Variants in NEDD4 observed in about 807,000 individuals in gnomAD.
The protein encoded by NEDD4 is NEDD4 E3 ubiquitin protein ligase, also known as E3 ubiquitin-protein ligase NEDD4.
A neutral mutation model predicts 144.9 loss-of-function variants in NEDD4; 99 were observed. The observed-to-expected ratio is 0.68, with a 90% CI of 0.58 to 0.81. The LOEUF (loss-of-function observed/expected upper bound fraction) is 0.81, where lower values mean the gene tolerates loss of function less well. Ranked by LOEUF, NEDD4 falls within the 30% of genes least tolerant of loss-of-function variation. The pLI, the probability that NEDD4 is intolerant of heterozygous loss-of-function variation, is 0.00. For synonymous variants in NEDD4, 318 were observed against 350.6 expected, an observed-to-expected ratio of 0.91 and a Z score of 1.04; for missense variants, 985 against 1,065.9, an observed-to-expected ratio of 0.92 and a Z score of 1.06.
chr15:55,899,810 A>G (rs1378303658), intron 5 of NEDD4, among the ~76,000 whole-genome samples: 4 of 152,226 alleles, frequency 2.6e-5, no homozygotes, highest in African/African-American at 9.6e-5. Context: ...GTAGCTATGG[A>G]GCACAGGAAA....
At chr15:55,916,672 T>C (rs780541241) in intron 5 of NEDD4, 1 of 1,614,100 alleles carries the variant, frequency 6.2e-7, no homozygotes, top group Non-Finnish European at 8.5e-7. Flanking sequence ...GCAGTCTGTC[T>C]GGGAGTCAGC....
intron 1 of NEDD4, among the ~76,000 whole-genome samples, chr15:55,978,183 C>T (rs1446312339): frequency 2.0e-5 from 3 of 152,124 alleles, no homozygotes; most frequent in African/African-American, 7.2e-5. Context: ...ATGTAACAAG[C>T]ATTAATCAAA....
intron 2 of NEDD4, among the ~76,000 whole-genome samples, chr15:55,964,901 A>C (rs1478186426): frequency 6.6e-6 from 1 of 151,860 alleles, no homozygotes; most frequent in Non-Finnish European, 1.5e-5. Flanking sequence ...GTGAGTTCTC[A>C]TTCTATTTGT....
intron 5 of NEDD4, among the ~76,000 whole-genome samples, chr15:55,905,967 C>T (rs544724913): frequency 3.9e-5 from 6 of 152,192 alleles, no homozygotes; most frequent in East Asian, 3.9e-4. Flanking sequence ...AACAAGTGGG[C>T]GAAGGATATG....
chr15:55,833,842 C>G lies in NEDD4; in HGVS notation c.2430+196G>C, dbSNP rs563828706. 1.1e-4 allele frequency among the ~76,000 whole-genome samples: 17 copies of G among 152,286 alleles called. No individual in the cohort carries two copies. In the South Asian group the frequency reaches 1.7e-3, roughly 15 times the overall value. On this transcript the variant is annotated intron_variant, in intron 26 of 28. Transcript: ENST00000435532. ...GTCATTCCACTTACTACCTTCTGAA[C>G]ATTTTACTTACCTAGTAATAGTTAC...
intron 5 of NEDD4, among the ~76,000 whole-genome samples, chr15:55,899,043 A>G (rs2035829094): frequency 6.6e-6 from 1 of 152,268 alleles, no homozygotes; most frequent in African/African-American, 2.4e-5. Flanking sequence ...CACAGTGATC[A>G]GTGAAAACAA....
intron 8 of NEDD4, 52 bp from the exon 9 acceptor site, chr15:55,863,131 C>T (rs1456666892): frequency 2.1e-6 from 3 of 1,421,516 alleles, no homozygotes; most frequent in African/African-American, 1.4e-5. Flanking sequence ...TTTTAACTTT[C>T]TAAATTATAT....
At chr15:55,849,432 C>A (rs980550069) in intron 14 of NEDD4, among the ~76,000 whole-genome samples, 8 of 152,074 alleles carry the variant, frequency 5.3e-5, no homozygotes, top group African/African-American at 1.9e-4. Flanking sequence ...TCCATGTTGG[C>A]CAGGCTAGTC....
chr15:55,900,407 C>T (rs527755528), intron 5 of NEDD4, among the ~76,000 whole-genome samples: 1 of 152,270 alleles, frequency 6.6e-6, no homozygotes, highest in East Asian at 1.9e-4. Flanking sequence ...CTACTGGTCC[C>T]TGCAGGCTGG....
intron 5 of NEDD4, among the ~76,000 whole-genome samples, chr15:55,881,143 CT>C (rs67958165): frequency 0.24 from 32,665 of 137,712 alleles, 3,428 homozygotes; most frequent in Non-Finnish European, 0.27. Flanking sequence ...CTTTTCTTTT[CT>C]TTTTTTTTTT....
chr15:55,857,056 A>G (rs2034223902), intron 11 of NEDD4, among the ~76,000 whole-genome samples: 1 of 152,236 alleles, frequency 6.6e-6, no homozygotes, highest in Admixed American at 6.5e-5. Flanking sequence ...GAGTACATCT[A>G]TCTGTACTGA....
At chr15:55,872,895 G>A (rs1342298543) in intron 6 of NEDD4, among the ~76,000 whole-genome samples, 1 of 149,484 alleles carries the variant, frequency 6.7e-6, no homozygotes, top group Non-Finnish European at 1.5e-5. Context: ...ATTACTGAAA[G>A]CTTATGGTCC....
chr15:55,929,273 T>C (rs1272407249), intron 4 of NEDD4, among the ~76,000 whole-genome samples: 1 of 152,218 alleles, frequency 6.6e-6, no homozygotes, highest in Non-Finnish European at 1.5e-5. Flanking sequence ...AGAGATTTTC[T>C]CTTTATGTCT....
At chr15:55,932,668 T>C (rs781314476) in intron 4 of NEDD4, among the ~76,000 whole-genome samples, 4 of 152,236 alleles carry the variant, frequency 2.6e-5, no homozygotes, top group Admixed American at 1.3e-4. Flanking sequence ...AATTGACAAA[T>C]TGGAGCTAAT....
intron 1 of NEDD4, among the ~76,000 whole-genome samples, chr15:55,978,117 A>G (rs997387299): frequency 7.2e-5 from 11 of 152,298 alleles, no homozygotes; most frequent in African/African-American, 2.4e-4. Flanking sequence ...AGCTCCTGAT[A>G]TTAAAAACCA....
At chr15:55,980,781 TGTGTGTGTAGGG>T (rs2037785228) in intron 1 of NEDD4, among the ~76,000 whole-genome samples, 1 of 151,916 alleles carries the variant, frequency 6.6e-6, no homozygotes, top group Non-Finnish European at 1.5e-5. Flanking sequence ...TCATTTTTAG[TGTGTGTGTAGGG>T]GTGTGTGTGT....
In NEDD4 at chr15:55,846,959, C is replaced by T. The variant is rs1566906622; in HGVS notation, c.1608+10G>A. 6.4e-7 allele frequency: 1 copy of T among 1,558,964 alleles called. No homozygotes were observed. The highest frequency in any genetic ancestry group is 2.3e-5 in the East Asian group (1 of 44,230). ...ATGACTCTTAAGTATTTATTATAAA[C>T]ATGACTAACCTGCTTCTTCAACTTT... On this transcript the variant is annotated intron_variant, in intron 18 of 28. Coordinates refer to ENST00000435532, the MANE Select transcript of NEDD4 (RefSeq NM_006154.4).
intron 11 of NEDD4, 127 bp downstream of exon 11, chr15:55,860,272 AGTCCCAAG>A: frequency 1.2e-6 from 1 of 824,060 alleles, no homozygotes; most frequent in Admixed American, 2.7e-5. Context: ...CATGTTGTAA[AGTCCCAAG>A]GTCCCTAATG....
intron 11 of NEDD4, 27 bp downstream of exon 11, chr15:55,860,380 C>A: frequency 6.2e-7 from 1 of 1,610,378 alleles, no homozygotes; most frequent in Non-Finnish European, 8.5e-7. Flanking sequence ...ACTACTGAAG[C>A]CGTAACAAAA....
Sources: allele counts gnomAD v4.1 joint callset (sites outside exome capture counted in the v4.1 genomes callset), GRCh38; gene constraint gnomAD v4.1.1; transcripts MANE v1.5; gene names NCBI Gene and HGNC (gene_info 2026-07-23, HGNC 2026-07-21).